NRXN1: variants seen among roughly 807,000 people sequenced by gnomAD.
NRXN1 encodes the protein neurexin-1.
NRXN1 carries 39 observed loss-of-function variants against 150.9 expected under a neutral mutation model. The ratio of observed to expected loss-of-function variants is 0.26; its 90% CI spans 0.20 to 0.34. The LOEUF (loss-of-function observed/expected upper bound fraction) is 0.34. NRXN1 is among the 10% of genes least tolerant of loss of function. NRXN1 has a pLI of 1.00. For missense variants in NRXN1, 1,815 were observed against 1,949.9 expected (o/e 0.93, Z 1.30); for synonymous variants, 924 against 757.0 (o/e 1.22, Z -3.62).
At chr2:50,863,841 C>G (rs1238788525) in intron 5 of NRXN1, among the ~76,000 whole-genome samples, 2 of 151,962 alleles carry the variant, frequency 1.3e-5, no homozygotes, top group African/African-American at 4.8e-5. Context: ...CCTTTTGAGA[C>G]ATAGGGCCTA....
At chr2:50,828,591 G>C (rs1422527459) in intron 5 of NRXN1, among the ~76,000 whole-genome samples, 1 of 151,818 alleles carries the variant, frequency 6.6e-6, no homozygotes, top group East Asian at 1.9e-4. Context: ...ATCCCAGACA[G>C]GGCGGTGGGG....
At chr2:50,826,836 T>C (rs1020569795) in intron 5 of NRXN1, among the ~76,000 whole-genome samples, 1 of 152,274 alleles carries the variant, frequency 6.6e-6, no homozygotes, top group African/African-American at 2.4e-5. Context: ...TAGGAGCTCA[T>C]TGCAGAGATC....
rs924589470 is a variant in NRXN1 at position 50,115,217 on chromosome 2, G to A, written c.3547-23723C>T. Among the ~76,000 whole-genome samples, 688 of 134,896 alleles carry A rather than the reference G, an allele frequency of 5.1e-3. 3 individuals carry two copies. Among genetic ancestry groups the A allele is most frequent in the Non-Finnish European group, 8.7e-3 (557 of 63,884 alleles). 88.5% of individuals were successfully genotyped at this position (134,896 alleles called of 152,430 possible). A position where few individuals can be genotyped will look rare whatever the true frequency, so the allele number is the denominator to read the frequency against. ...ACAAAAAAACATATATATGTTATGT[G>A]TATATATATATATATATATATATAC... On this transcript the variant is annotated intron_variant, in intron 18 of 22. Coordinates refer to ENST00000401669, the MANE Select transcript of NRXN1 (RefSeq NM_001330078.2).
chr2:50,542,144 G>T (rs1460159040), intron 9 of NRXN1, among the ~76,000 whole-genome samples: 2 of 152,098 alleles, frequency 1.3e-5, no homozygotes, highest in Non-Finnish European at 2.9e-5. Flanking sequence ...AGCCGGGCAC[G>T]GTGGTGCATG....
intron 18 of NRXN1, among the ~76,000 whole-genome samples, chr2:50,201,694 G>T (rs1338193129): frequency 1.3e-5 from 2 of 152,124 alleles, no homozygotes; most frequent in Non-Finnish European, 2.9e-5. Context: ...CCATACACAC[G>T]CATTATCCTC....
At chr2:50,008,597 G>C (rs544538364) in intron 21 of NRXN1, among the ~76,000 whole-genome samples, 46 of 151,224 alleles carry the variant, frequency 3.0e-4, no homozygotes, top group Non-Finnish European at 5.3e-4. Context: ...CCCTAGAAAA[G>C]TCCAGAATAT....
In NRXN1 at chr2:50,552,950, G is replaced by A. The variant is rs1257675394; in HGVS notation, c.1396C>T (p.His466Tyr). Residue 466 changes from histidine (H) to tyrosine (Y), a missense_variant, in exon 9 of 23, where the codon CAT (histidine) becomes TAT (tyrosine). His to Tyr is a moderately conservative substitution (Grantham distance 83, BLOSUM62 2). Around this residue, in one of 6 missense-constraint regions of NRXN1, gnomAD observed 638 missense variants for 652.6 expected, o/e 0.98. Transcript: ENST00000401669. ...AKQGDPKMKI[H>Y]GVVAFKCENV... ...TCACATTTAAATGCCACCACTCCAT[G>A]GATCTTCATCTTAGGATCTCCTTGC... The A allele has an allele frequency of 1.2e-6, 2 of 1,613,560 alleles. No homozygotes were observed. The highest frequency in any genetic ancestry group is 1.7e-6 in the Non-Finnish European group (2 of 1,179,672).
intron 17 of NRXN1, among the ~76,000 whole-genome samples, chr2:50,278,241 A>T (rs1202360658): frequency 2.4e-5 from 3 of 122,632 alleles, no homozygotes; most frequent in African/African-American, 9.5e-5. Context: ...ATATATATAT[A>T]ATATATATAT....
chr2:50,383,379 G>A (rs1276049359), intron 17 of NRXN1, among the ~76,000 whole-genome samples: 1 of 152,078 alleles, frequency 6.6e-6, no homozygotes, highest in Non-Finnish European at 1.5e-5. Context: ...GTAAACAGCT[G>A]CTACCATTAA....
intron 5 of NRXN1, among the ~76,000 whole-genome samples, chr2:50,787,818 C>A (rs1375596246): frequency 6.6e-6 from 1 of 151,890 alleles, no homozygotes; most frequent in Non-Finnish European, 1.5e-5. Context: ...GAGGTAAGGA[C>A]TGCTTTTGGC....
chr2:50,724,789 CCATT>C, intron 5 of NRXN1, among the ~76,000 whole-genome samples: 1 of 152,182 alleles, frequency 6.6e-6, no homozygotes, highest in Non-Finnish European at 1.5e-5. Flanking sequence ...TATTACTCAT[CCATT>C]CATTCATTTA....
At chr2:50,823,457 T>C (rs1670013971) in intron 5 of NRXN1, among the ~76,000 whole-genome samples, 1 of 152,164 alleles carries the variant, frequency 6.6e-6, no homozygotes, top group Admixed American at 6.5e-5. Context: ...AAATAATAGA[T>C]ACTCCATAAA....
At chr2:50,778,439 G>A (rs1703935159) in intron 5 of NRXN1, among the ~76,000 whole-genome samples, 1 of 152,086 alleles carries the variant, frequency 6.6e-6, no homozygotes, top group Non-Finnish European at 1.5e-5. Context: ...TAACTTCAAG[G>A]AACACACTGT....
intron 5 of NRXN1, among the ~76,000 whole-genome samples, chr2:50,641,512 C>T (rs919712565): frequency 6.6e-6 from 1 of 152,042 alleles, no homozygotes; most frequent in African/African-American, 2.4e-5. Context: ...TTTCCTACTT[C>T]AGGTCAGAGT....
chr2:50,428,694 T>A (rs1157304606), intron 17 of NRXN1, among the ~76,000 whole-genome samples: 1 of 152,194 alleles, frequency 6.6e-6, no homozygotes, highest in Non-Finnish European at 1.5e-5. Context: ...CTGAATAACA[T>A]TTATTAGCTC....
intron 8 of NRXN1, among the ~76,000 whole-genome samples, chr2:50,605,152 CT>C (rs1227157813): frequency 2.0e-5 from 3 of 152,204 alleles, no homozygotes; most frequent in Non-Finnish European, 1.5e-5. Context: ...GTGTTTATCT[CT>C]CCTCAACCAT....
chr2:50,634,016 G>GA (rs1294305990), intron 5 of NRXN1, among the ~76,000 whole-genome samples: 1 of 152,136 alleles, frequency 6.6e-6, no homozygotes, highest in African/African-American at 2.4e-5. Flanking sequence ...GAAAGAATAG[G>GA]AAAAAATCCA....
intron 17 of NRXN1, among the ~76,000 whole-genome samples, chr2:50,407,688 G>A (rs1214690794): frequency 6.6e-6 from 1 of 152,010 alleles, no homozygotes; most frequent in East Asian, 1.9e-4. Context: ...AGCACACCCA[G>A]CCCTCTCATC....
intron 2 of NRXN1, among the ~76,000 whole-genome samples, chr2:51,014,514 AAG>A (rs1251139486): frequency 2.0e-5 from 3 of 152,094 alleles, no homozygotes; most frequent in Non-Finnish European, 4.4e-5. Flanking sequence ...AATTTTGAAA[AAG>A]AGAAAAAATA....
Sources: gnomAD v4.1 joint callset for allele counts (sites outside exome capture counted in the v4.1 genomes callset) on GRCh38, gnomAD v4.1.1 for gene constraint, gnomAD v4.1.1 regional missense constraint, MANE v1.5 for transcripts, NCBI Gene and HGNC (gene_info 2026-07-23, HGNC 2026-07-21) for gene names.